The following GSE1 variants were observed in gnomAD, a reference collection of about 807,000 sequenced individuals.
GSE1 encodes the protein Gse1 coiled-coil protein, also known as genetic suppressor element 1.
A neutral mutation model predicts 112.6 loss-of-function variants in GSE1; 32 were observed. The ratio of observed to expected loss-of-function variants is 0.28; its 90% CI spans 0.21 to 0.38. GSE1 has a LOEUF of 0.38. Ranked by LOEUF, GSE1 falls within the 10% of genes least tolerant of loss-of-function variation. The pLI is 1.00. For missense variants in GSE1, 2,348 were observed against 1,699.2 expected, an observed-to-expected ratio of 1.38 and a Z score of -6.71; for synonymous variants, 1,115 against 735.6, an observed-to-expected ratio of 1.52 and a Z score of -8.35.
intron 1 of GSE1, among the ~76,000 whole-genome samples, chr16:85,191,906 A>G (rs957099346): frequency 6.6e-6 from 1 of 151,818 alleles, no homozygotes; most frequent in Non-Finnish European, 1.5e-5. Context: ...GGCCATTAGC[A>G]GGGTCTCCAG....
exon 1 of GSE1, chr16:85,169,604 C>T (rs1280246228): frequency 8.1e-6 from 8 of 982,402 alleles, no homozygotes; most frequent in African/African-American, 1.8e-5. Flanking sequence ...GGCGGCGCGC[C>T]GCTCTCCTGC....
chr16:85,592,891 C>G (rs560138947), intron 1 of GSE1: 114 of 152,548 alleles, frequency 7.5e-4, no homozygotes, highest in Non-Finnish European at 1.3e-3. Flanking sequence ...TGGGGGCGCT[C>G]TGGGTGGAGG....
chr16:85,233,907 C>G (rs530418682), intron 1 of GSE1, among the ~76,000 whole-genome samples: 7 of 152,186 alleles, frequency 4.6e-5, no homozygotes, highest in South Asian at 4.2e-4. Context: ...CCTCCTACCC[C>G]TGCCCCCTGT....
At chr16:85,170,434 C>T (rs2143108508) in exon 1 of GSE1, 1 of 985,610 alleles carries the variant, frequency 1.0e-6, no homozygotes, top group Non-Finnish European at 1.2e-6. Context: ...CACTAAGACC[C>T]TGGAGAGCAG....
At chr16:85,430,462 G>C (rs1043145541) in intron 2 of GSE1, among the ~76,000 whole-genome samples, 2 of 152,206 alleles carry the variant, frequency 1.3e-5, no homozygotes, top group African/African-American at 4.8e-5. Flanking sequence ...GAGGGACACA[G>C]GTGGGAACTG....
At chr16:85,638,883 G>T (rs575198372) in intron 2 of GSE1, among the ~76,000 whole-genome samples, 1 of 152,078 alleles carries the variant, frequency 6.6e-6, no homozygotes, top group Admixed American at 6.5e-5. Context: ...CAATGGCTCT[G>T]GGCCGGGAGC....
intron 2 of GSE1, among the ~76,000 whole-genome samples, chr16:85,512,458 C>T (rs1408646268): frequency 6.6e-6 from 1 of 152,200 alleles, no homozygotes. Context: ...CCTGGCTGTG[C>T]CATCCGTCTG....
intron 2 of GSE1, among the ~76,000 whole-genome samples, chr16:85,438,616 C>A (rs894392187): frequency 6.6e-6 from 1 of 152,194 alleles, no homozygotes; most frequent in African/African-American, 2.4e-5. Context: ...AAGGGAGTCA[C>A]CAGAATTCAC....
chr16:85,362,962 A>G (rs1403191247), intron 2 of GSE1, among the ~76,000 whole-genome samples: 1 of 150,056 alleles, frequency 6.7e-6, no homozygotes, highest in African/African-American at 2.5e-5. Flanking sequence ...CAGCCTCCCG[A>G]GTAGCTGGGA....
At chr16:85,430,996 C>T (rs552402279) in intron 2 of GSE1, among the ~76,000 whole-genome samples, 14 of 152,362 alleles carry the variant, frequency 9.2e-5, no homozygotes, top group Admixed American at 6.5e-4. Context: ...CCAGCCCCGC[C>T]GCAAGGCCCT....
intron 2 of GSE1, among the ~76,000 whole-genome samples, chr16:85,440,796 T>C (rs2049357276): frequency 6.6e-6 from 1 of 152,190 alleles, no homozygotes; most frequent in Non-Finnish European, 1.5e-5. Flanking sequence ...CCTGCAGCTT[T>C]GGAAACTGTG....
chr16:85,312,175 A>T (rs897619944), intron 1 of GSE1, among the ~76,000 whole-genome samples: 1 of 128,980 alleles, frequency 7.8e-6, no homozygotes, highest in Admixed American at 8.1e-5. Context: ...GAACATTGCA[A>T]TCCCTCTGTG....
chr16:85,650,173 C>T (rs1054719517), intron 3 of GSE1, among the ~76,000 whole-genome samples: 59 of 152,182 alleles, frequency 3.9e-4, no homozygotes, highest in African/African-American at 1.4e-3. Flanking sequence ...ACCCTGGCCA[C>T]AGGGGCCTCC....
At chr16:85,434,004 C>A (rs2049183548) in intron 2 of GSE1, among the ~76,000 whole-genome samples, 1 of 152,116 alleles carries the variant, frequency 6.6e-6, no homozygotes, top group Non-Finnish European at 1.5e-5. Flanking sequence ...CAGCCCTAGG[C>A]CTGCTCAGCT....
chr16:85,479,757 C>T (rs894442679), intron 2 of GSE1, among the ~76,000 whole-genome samples: 1 of 152,202 alleles, frequency 6.6e-6, no homozygotes, highest in African/African-American at 2.4e-5. Context: ...GCCGTGTGAA[C>T]ATTTTCCATG....
intron 2 of GSE1, among the ~76,000 whole-genome samples, chr16:85,485,659 C>T (rs1464120355): frequency 2.6e-5 from 4 of 152,244 alleles, no homozygotes; most frequent in Admixed American, 2.6e-4. Flanking sequence ...GTGCGCAGCC[C>T]GCCGGGCCAG....
chr16:85,489,550 C>T (rs1039577101), intron 2 of GSE1, among the ~76,000 whole-genome samples: 4 of 151,150 alleles, frequency 2.6e-5, no homozygotes, highest in Admixed American at 6.6e-5. Flanking sequence ...CACCCCGCAG[C>T]GCCTGCCCCA....
At chr16:85,269,447 A>AGT (rs35293678) in intron 1 of GSE1, among the ~76,000 whole-genome samples, 5,136 of 146,242 alleles carry the variant, frequency 0.035, 364 homozygotes, top group African/African-American at 0.093. Flanking sequence ...TGGGTGTGTG[A>AGT]GTGTGTGTGT....
At chr16:85,644,057 G>A (rs1409024314) in intron 2 of GSE1, among the ~76,000 whole-genome samples, 6 of 152,276 alleles carry the variant, frequency 3.9e-5, no homozygotes, top group Middle Eastern at 3.4e-3. Flanking sequence ...GGCAGGCACC[G>A]TTACTCATGC....
Sources: gnomAD v4.1 joint callset for allele counts (sites outside exome capture counted in the v4.1 genomes callset) on GRCh38, gnomAD v4.1.1 for gene constraint, MANE v1.5 for transcripts, NCBI Gene and HGNC (gene_info 2026-07-23, HGNC 2026-07-21) for gene names.